Variants in EIF4E2 observed in about 807,000 individuals in gnomAD.
The protein encoded by EIF4E2 is eukaryotic translation initiation factor 4E type 2.
A neutral mutation model predicts 34.2 loss-of-function variants in EIF4E2; 13 were observed. That is an observed-to-expected ratio of 0.38 (90% CI 0.25 to 0.60). The LOEUF is 0.60. Among genes scored for constraint, EIF4E2 ranks in the 20% least tolerant of loss-of-function variants. The probability of loss-of-function intolerance (pLI) is 0.62; values close to 1 mark genes in which losing one functional copy is unlikely to be tolerated. For synonymous variants in EIF4E2, 100 were observed against 106.6 expected (o/e 0.94, Z 0.38); for missense variants, 222 against 315.1 (o/e 0.70, Z 2.24).
At chr2:232,561,445 C>T (rs1368176214) in intron 3 of EIF4E2, among the ~76,000 whole-genome samples, 1 of 152,114 alleles carries the variant, frequency 6.6e-6, no homozygotes, top group African/African-American at 2.4e-5. Flanking sequence ...AGGCTTCATC[C>T]ATGCTCACTG....
At position 232,567,431 on chromosome 2, in the gene EIF4E2, A is replaced by G. The variant is rs1425898729; in HGVS notation, c.665+217A>G. The G allele has an allele frequency of 3.7e-6, 5 of 1,356,710 alleles. No homozygotes were observed. In the African/African-American group the frequency reaches 6.0e-5, roughly 16 times the overall value. The allele number at this position is 1,356,710 out of a possible 1,614,324, so 84.0% of individuals were successfully genotyped here. ...AGGTGCTTTGTAGCAGAGAGAGCCC[A>G]TCTGCAGAAACCCAGTTGTACTACC... On this transcript the variant is annotated intron_variant, in intron 6 of 6. Coordinates refer to ENST00000258416, the MANE Select transcript of EIF4E2 (RefSeq NM_004846.4).
At chr2:232,575,316 G>A (rs1318541216) in intron 6 of EIF4E2, among the ~76,000 whole-genome samples, 1 of 152,266 alleles carries the variant, frequency 6.6e-6, no homozygotes, top group Non-Finnish European at 1.5e-5. Context: ...GCTCAGGGGT[G>A]TAGGTATGAT....
In EIF4E2 at chr2:232,566,829, G is replaced by C; in HGVS notation, c.376G>C (p.Asp126His). 3 of 1,614,102 alleles carry C rather than the reference G, an allele frequency of 1.9e-6. No individual in the cohort carries two copies. Among genetic ancestry groups the C allele is most frequent in the Non-Finnish European group, 2.5e-6 (3 of 1,180,000 alleles). ...FKEGIKPMWE[D>H]DANKNGGKWI... ...TTCAGTGCTTTCTGTCTTTTTACAG[G>C]ATGATGCAAATAAAAATGGTGGCAA... is the stretch of plus-strand genomic sequence containing the variant. Residue 126 changes from aspartate (D) to histidine (H), a missense_variant and splice_region_variant, in exon 5 of 7, where the codon GAT becomes CAT. By Grantham distance (81) the Asp-to-His change is moderately conservative (BLOSUM62 -1). This residue lies in a region of EIF4E2 where 105 missense variants were observed against 195.1 expected (regional missense o/e 0.54). Transcript: ENST00000258416. This position sits in a 1 kb window ranked among gnomAD's most constrained non-coding sequence, Gnocchi z 4.9.
In EIF4E2 at chr2:232,581,243, C is replaced by T. The variant is rs1189395154; in HGVS notation, c.*300C>T. The T allele has an allele frequency of 1.2e-5, 6 of 490,004 alleles. No individual in the cohort carries two copies. The highest frequency in any genetic ancestry group is 3.8e-5 in the South Asian group (2 of 53,172). The allele number at this position is 490,004 out of a possible 1,614,324, so 30.4% of individuals were successfully genotyped here. On this transcript the variant is annotated 3_prime_UTR_variant, in exon 7 of 7. Coordinates refer to the EIF4E2 transcript ENST00000409098. This position sits in a 1 kb window ranked among gnomAD's most constrained non-coding sequence, Gnocchi z 5.2. ...GTGTGCTGTCCAGATGCCTCTTGGG[C>T]GTCCTGTTGTTCTCTTCCCGTGTTG...
chr2:232,580,086 A>C (rs994630871), intron 6 of EIF4E2, among the ~76,000 whole-genome samples: 1 of 3,998 alleles, frequency 2.5e-4, no homozygotes, highest in Non-Finnish European at 7.0e-4. Flanking sequence ...CATACATACC[A>C]CACACACACA....
exon 7 of EIF4E2, chr2:232,580,982 GTGTT>G (rs1693343228): frequency 2.6e-6 from 4 of 1,543,674 alleles, no homozygotes; most frequent in Admixed American, 2.0e-5. Flanking sequence ...CTGTATGTGT[GTGTT>G]TGTCCGAAAT....
intron 4 of EIF4E2, among the ~76,000 whole-genome samples, chr2:232,565,728 CTTATAA>C (rs1319575843): frequency 2.6e-5 from 4 of 152,220 alleles, no homozygotes; most frequent in East Asian, 1.9e-4. Context: ...AACAGCAGCA[CTTATAA>C]TTATAGTATC....
downstream of EIF4E2, among the ~76,000 whole-genome samples, chr2:232,571,509 A>G (rs934647941): frequency 1.3e-5 from 2 of 152,204 alleles, no homozygotes; most frequent in African/African-American, 2.4e-5. Flanking sequence ...TCCTCTTTGG[A>G]TTAGTCCCAC....
chr2:232,570,508 A>G (rs73101849), downstream of EIF4E2, among the ~76,000 whole-genome samples: 1,284 of 152,300 alleles, frequency 8.4e-3, 17 homozygotes, highest in African/African-American at 0.03. Flanking sequence ...GTTGATTAGA[A>G]GCACCAAACT....
At chr2:232,555,521 C>T (rs1176702454) in intron 1 of EIF4E2, among the ~76,000 whole-genome samples, 1 of 152,152 alleles carries the variant, frequency 6.6e-6, no homozygotes, top group Non-Finnish European at 1.5e-5. Context: ...TTCTTTCTTT[C>T]AGTCATTTAT....
chr2:232,567,743 A>G (rs1433338924), intron 6 of EIF4E2: 1 of 988,920 alleles, frequency 1.0e-6, no homozygotes, highest in Non-Finnish European at 1.2e-6. Context: ...AAAGGGAAGC[A>G]TGAAGGCCAC....
chr2:232,559,717 G>A (rs1692653645), intron 3 of EIF4E2, among the ~76,000 whole-genome samples: 1 of 151,552 alleles, frequency 6.6e-6, no homozygotes, highest in South Asian at 2.1e-4. Flanking sequence ...GCTGAGGTGG[G>A]AAGATTGTTT....
chr2:232,556,636 T>C lies in EIF4E2; in HGVS notation c.135+106T>C. ...ACCAGATTAACTTGATGGCATCCTGTGTTGGAATATCTGACTTTGTTCTCA... is the reference window on the plus strand; with the variant it reads ...ACCAGATTAACTTGATGGCATCCTGCGTTGGAATATCTGACTTTGTTCTCA... On this transcript the variant is annotated intron_variant, in intron 2 of 6. Coordinates refer to ENST00000258416, the MANE Select transcript of EIF4E2 (RefSeq NM_004846.4). 7 of 787,138 alleles carry C rather than the reference T, an allele frequency of 8.9e-6. No individual in the cohort carries two copies. In the South Asian group the frequency reaches 1.1e-4, roughly 13 times the overall value. The allele number at this position is 787,138 out of a possible 1,614,324, so 48.8% of individuals were successfully genotyped here.
In EIF4E2 at chr2:232,566,200, T is replaced by G. The variant is rs549853869; in HGVS notation, c.376-629T>G. Among the ~76,000 whole-genome samples the G allele has an allele frequency of 1.4e-3, 218 of 152,330 alleles. No individual in the cohort carries two copies. Among genetic ancestry groups the G allele is most frequent in the African/African-American group, 2.6e-3 (107 of 41,558 alleles). ...TCGTTGTTGTTTTGTTTTGTTTTGT[T>G]TTTTGAGACGGAGTCTTGCTGTGTT... On this transcript the variant is annotated intron_variant, in intron 4 of 6. Transcript: ENST00000258416. This position sits in a 1 kb window ranked among gnomAD's most constrained non-coding sequence, Gnocchi z 4.9.
At chr2:232,565,105 A>G (rs1363756420) in intron 4 of EIF4E2, among the ~76,000 whole-genome samples, 3 of 152,196 alleles carry the variant, frequency 2.0e-5, no homozygotes, top group East Asian at 1.9e-4. Context: ...TTCTGGTGCC[A>G]TGGCATTTTT....
intron 2 of EIF4E2, among the ~76,000 whole-genome samples, chr2:232,557,205 A>G (rs1413099689): frequency 6.6e-6 from 1 of 152,252 alleles, no homozygotes; most frequent in African/African-American, 2.4e-5. Context: ...AGGTCGCGCC[A>G]CTGCACTCCA....
chr2:232,580,084 CCACACACA>C (rs6147227), intron 6 of EIF4E2, among the ~76,000 whole-genome samples: 28,962 of 144,990 alleles, frequency 0.2, 3,379 homozygotes, highest in South Asian at 0.28. Context: ...CACATACATA[CCACACACA>C]CACACACACA....
intron 3 of EIF4E2, among the ~76,000 whole-genome samples, chr2:232,563,506 A>AGAGAAAAC (rs1315921715): frequency 6.6e-6 from 1 of 152,052 alleles, no homozygotes; most frequent in Non-Finnish European, 1.5e-5. Flanking sequence ...TTCTCACGGG[A>AGAGAAAAC]TTGTGAAGGA....
chr2:232,577,622 G>A lies in EIF4E2; in HGVS notation c.666-3282G>A, dbSNP rs186802107. On this transcript the variant is annotated intron_variant, in intron 6 of 6. Transcript: ENST00000409098. ...AGCTGTTTCAGAGTATTTGGACAAC[G>A]ATTTTCCCCAAGATACCTGGGAATG... Among the ~76,000 whole-genome samples the A allele has an allele frequency of 1.9e-3, 283 of 152,338 alleles. 2 individuals are homozygous for A. The highest frequency in any genetic ancestry group is 6.5e-3 in the African/African-American group (270 of 41,566).
Sources: allele counts gnomAD v4.1 joint callset (sites outside exome capture counted in the v4.1 genomes callset), GRCh38; gene constraint gnomAD v4.1.1; regional missense constraint gnomAD v4.1.1; non-coding constraint Gnocchi (gnomAD v3.1); transcripts MANE v1.5; gene names NCBI Gene and HGNC (gene_info 2026-07-23, HGNC 2026-07-21).